Variants in SENP6 observed in about 807,000 individuals in gnomAD.
SENP6 encodes the protein sentrin-specific protease 6.
Under a neutral mutation model 134.5 loss-of-function variants are expected in SENP6, and 41 were observed. The observed-to-expected ratio is 0.30, with a 90% CI of 0.24 to 0.40. SENP6 has a LOEUF of 0.40. Among genes scored for constraint, SENP6 ranks in the 10% least tolerant of loss-of-function variants. SENP6 has a pLI of 1.00. For synonymous variants in SENP6, 395 were observed against 429.8 expected, an observed-to-expected ratio of 0.92 and a Z score of 1.00; for missense variants, 1,248 against 1,312.5, an observed-to-expected ratio of 0.95 and a Z score of 0.76.
chr6:75,603,038 C>CA (rs1234836741), intron 1 of SENP6, among the ~76,000 whole-genome samples: 12 of 152,178 alleles, frequency 7.9e-5, no homozygotes, highest in African/African-American at 2.9e-4. Context: ...GTCTGTTTCT[C>CA]AGAGTTTCAG....
At chr6:75,650,844 C>T (rs1232330677) in intron 7 of SENP6, among the ~76,000 whole-genome samples, 1 of 152,186 alleles carries the variant, frequency 6.6e-6, no homozygotes. Flanking sequence ...CACAAGATCA[C>T]TAATTACTTG....
chr6:75,627,744 C>G (rs978638054), intron 3 of SENP6, among the ~76,000 whole-genome samples: 3 of 152,114 alleles, frequency 2.0e-5, no homozygotes, highest in Admixed American at 6.5e-5. Context: ...GGTGTGATCT[C>G]AGCTCACTGC....
chr6:75,690,308 C>A (rs1035731521), intron 16 of SENP6, among the ~76,000 whole-genome samples: 1 of 152,164 alleles, frequency 6.6e-6, no homozygotes, highest in Non-Finnish European at 1.5e-5. Context: ...CATTGATGAA[C>A]GGATAAACCA....
At chr6:75,705,893 T>G (rs1392713047) in intron 19 of SENP6, among the ~76,000 whole-genome samples, 2 of 149,680 alleles carry the variant, frequency 1.3e-5, no homozygotes, top group Non-Finnish European at 3.0e-5. Flanking sequence ...CAGCTTATAT[T>G]ATTTTAGTGA....
chr6:75,615,775 A>G (rs1484497723), intron 1 of SENP6, among the ~76,000 whole-genome samples: 4 of 152,188 alleles, frequency 2.6e-5, no homozygotes, highest in African/African-American at 4.8e-5. Flanking sequence ...GATAAGATTG[A>G]TGCTATTTTT....
At chr6:75,647,020 A>G (rs140675543) in intron 6 of SENP6, among the ~76,000 whole-genome samples, 37 of 152,332 alleles carry the variant, frequency 2.4e-4, no homozygotes, top group Admixed American at 2.0e-3. Context: ...AATGAAAGCT[A>G]TGATTTACAT....
Position 75,642,333 on chromosome 6 carries a change from G to A in SENP6, c.479+1629G>A, listed in dbSNP as rs148662199. On this transcript the variant is annotated intron_variant, in intron 6 of 23. Coordinates refer to ENST00000447266, the MANE Select transcript of SENP6 (RefSeq NM_015571.4). ...AATTTCCATGTAGAGAAGTGTAATG[G>A]GTTGATGTGATAGACTGACAGTATG... 4.7e-4 allele frequency among the ~76,000 whole-genome samples: 72 copies of A among 152,318 alleles called. 2 individuals carry two copies. The South Asian group carries it at 9.3e-3, about 20-fold the overall frequency.
At chr6:75,623,245 C>G (rs941259325) in intron 2 of SENP6, among the ~76,000 whole-genome samples, 9 of 152,108 alleles carry the variant, frequency 5.9e-5, no homozygotes, top group African/African-American at 2.2e-4. Context: ...TGCTAGCTGT[C>G]CTGTACATTT....
intron 2 of SENP6, among the ~76,000 whole-genome samples, chr6:75,621,892 C>T (rs967229659): frequency 1.3e-5 from 2 of 152,136 alleles, no homozygotes; most frequent in African/African-American, 4.8e-5. Context: ...TGGAAGGCTT[C>T]AAAATAAGGA....
At chr6:75,699,273 A>C (rs1774862000) in intron 18 of SENP6, among the ~76,000 whole-genome samples, 1 of 151,864 alleles carries the variant, frequency 6.6e-6, no homozygotes, top group Non-Finnish European at 1.5e-5. Context: ...TGAGAGGTAG[A>C]AAATGAACTC....
In SENP6 at chr6:75,623,955, A is replaced by G; in HGVS notation, c.202A>G (p.Lys68Glu). 6.2e-7 allele frequency: 1 copy of G among 1,608,438 alleles called. No homozygotes were observed. The highest frequency in any genetic ancestry group is 8.5e-7 in the Non-Finnish European group (1 of 1,176,570). Residue 68 changes from lysine to glutamate, a missense_variant, in exon 3 of 24, where the codon AAA becomes GAA. Lys to Glu is a moderately conservative substitution (Grantham distance 56). Coordinates refer to ENST00000447266, the MANE Select transcript of SENP6 (RefSeq NM_015571.4). ...TGAGGATTCTGAAACCTCAAAAGGA[A>G]AAAAGGCAAGTGTTGCTTAAAATAT... is the stretch of plus-strand genomic sequence containing the variant. Reference protein sequence around the residue: ...EDEDSETSKGKKLNRRSEIVA... With the variant: ...EDEDSETSKGEKLNRRSEIVA...
rs1458379037 is a variant in SENP6 at position 75,633,648 on chromosome 6, G to A, written c.275G>A (p.Arg92Gln). Residue 92 changes from arginine (R) to glutamine (Q), a missense_variant, in exon 4 of 24, where the codon CGA becomes CAA. By Grantham distance (43) the Arg-to-Gln change is conservative. Coordinates refer to ENST00000447266, the MANE Select transcript of SENP6 (RefSeq NM_015571.4). ...TTCATCTTGAAGACATATGTAAGAC[G>A]AAACAAGTCTGAAAGTTTTAAAACT... ...GEFILKTYVR[R>Q]NKSESFKTLK... is the part of the protein sequence containing the mutation. The A allele has an allele frequency of 4.3e-6, 7 of 1,611,816 alleles. No individual in the cohort carries two copies. The highest frequency in any genetic ancestry group is 1.3e-5 in the African/African-American group (1 of 74,876).
At chr6:75,695,739 A>T in intron 16 of SENP6, 65 bp from the exon 17 acceptor site, 2 of 1,382,588 alleles carry the variant, frequency 1.4e-6, no homozygotes, top group Non-Finnish European at 2.0e-6. Context: ...TCTGTCTCAA[A>T]AAAATAGAAA....
intron 2 of SENP6, among the ~76,000 whole-genome samples, chr6:75,623,098 TACA>T (rs1768397860): frequency 6.6e-6 from 1 of 152,222 alleles, no homozygotes; most frequent in Non-Finnish European, 1.5e-5. Flanking sequence ...TAAACAGTAA[TACA>T]ACATTTTACA....
intron 3 of SENP6, among the ~76,000 whole-genome samples, chr6:75,631,416 A>T (rs1324658824): frequency 6.6e-6 from 1 of 152,162 alleles, no homozygotes; most frequent in Non-Finnish European, 1.5e-5. Context: ...TTCTTGTGGA[A>T]CTTAAATTCT....
chr6:75,708,371 A>G (rs1775542994), intron 19 of SENP6, among the ~76,000 whole-genome samples: 1 of 152,168 alleles, frequency 6.6e-6, no homozygotes, highest in Non-Finnish European at 1.5e-5. Context: ...ACCAAAATTT[A>G]TTTTATCCTG....
intron 3 of SENP6, among the ~76,000 whole-genome samples, chr6:75,624,957 C>T (rs551908415): frequency 2.6e-5 from 4 of 152,108 alleles, no homozygotes; most frequent in Non-Finnish European, 5.9e-5. Flanking sequence ...CATAGTGAGA[C>T]TCCATCTCTA....
At chr6:75,690,287 A>G (rs1380856123) in intron 16 of SENP6, among the ~76,000 whole-genome samples, 1 of 152,212 alleles carries the variant, frequency 6.6e-6, no homozygotes, top group Non-Finnish European at 1.5e-5. Flanking sequence ...GGTGGAAACA[A>G]TCCTGCTGTC....
intron 19 of SENP6, among the ~76,000 whole-genome samples, chr6:75,704,912 A>T (rs1414112901): frequency 6.6e-6 from 1 of 152,184 alleles, no homozygotes; most frequent in Non-Finnish European, 1.5e-5. Flanking sequence ...CCTTGATTCC[A>T]TACAACACAT....
Sources: allele counts gnomAD v4.1 joint callset (sites outside exome capture counted in the v4.1 genomes callset), GRCh38; gene constraint gnomAD v4.1.1; transcripts MANE v1.5; gene names NCBI Gene and HGNC (gene_info 2026-07-23, HGNC 2026-07-21).